DIP2B: variants seen among roughly 807,000 people sequenced by gnomAD.
DIP2B encodes the protein DIP2 acetate--CoA ligase B (putative), also known as disco-interacting protein 2 homolog B.
Under a neutral mutation model 198.0 loss-of-function variants are expected in DIP2B, and 76 were observed. The ratio of observed to expected loss-of-function variants is 0.38; its 90% CI spans 0.32 to 0.46. The LOEUF is 0.46. DIP2B is among the 20% of genes least tolerant of loss of function. The pLI is 0.99. For synonymous variants in DIP2B, 701 were observed against 739.1 expected (o/e 0.95, Z 0.84); for missense variants, 1,559 against 1,978.4 (o/e 0.79, Z 4.02).
intron 2 of DIP2B, among the ~76,000 whole-genome samples, chr12:50,631,251 G>A (rs544284368): frequency 8.8e-5 from 13 of 148,458 alleles, no homozygotes; most frequent in Admixed American, 2.0e-4. Context: ...TTTTTGAGAC[G>A]GAGTCTCCCT....
chr12:50,507,118 T>C (rs1957975024), intron 1 of DIP2B, among the ~76,000 whole-genome samples: 1 of 152,246 alleles, frequency 6.6e-6, no homozygotes, highest in South Asian at 2.1e-4. Flanking sequence ...GTGAAACTTC[T>C]ACAAATTGTG....
chr12:50,606,881 A>G (rs1958986606), intron 1 of DIP2B, among the ~76,000 whole-genome samples: 1 of 151,432 alleles, frequency 6.6e-6, no homozygotes, highest in South Asian at 2.1e-4. Context: ...ATCTTGGCTC[A>G]CTGTAGCTTT....
chr12:50,587,602 CTCAG>C (rs764999967), intron 1 of DIP2B, among the ~76,000 whole-genome samples: 19 of 152,190 alleles, frequency 1.2e-4, no homozygotes, highest in Non-Finnish European at 2.2e-4. Context: ...TCAATACTCT[CTCAG>C]TATTTCAGTC....
intron 1 of DIP2B, among the ~76,000 whole-genome samples, chr12:50,600,103 T>C (rs1157566888): frequency 6.6e-6 from 1 of 152,234 alleles, no homozygotes; most frequent in African/African-American, 2.4e-5. Flanking sequence ...ATTTTCATGA[T>C]GGTAAGTAAT....
intron 12 of DIP2B, among the ~76,000 whole-genome samples, chr12:50,687,993 C>T (rs1592128303): frequency 6.6e-6 from 1 of 151,536 alleles, no homozygotes; most frequent in African/African-American, 2.4e-5. Context: ...GTGGATGCTC[C>T]TGAGGTCAGG....
intron 1 of DIP2B, among the ~76,000 whole-genome samples, chr12:50,531,742 G>A (rs868381224): frequency 4.6e-5 from 7 of 152,260 alleles, no homozygotes; most frequent in Admixed American, 6.5e-5. Context: ...TGGAGAGAAA[G>A]GAAGTAGCTA....
intron 1 of DIP2B, among the ~76,000 whole-genome samples, chr12:50,527,412 G>A (rs1434007789): frequency 6.6e-6 from 1 of 152,136 alleles, no homozygotes; most frequent in Non-Finnish European, 1.5e-5. Context: ...TTTGCACATA[G>A]GAAAATAACA....
chr12:50,682,974 A>T (rs1174169081), intron 9 of DIP2B, among the ~76,000 whole-genome samples, 164 bp from the exon 10 acceptor site: 3 of 152,204 alleles, frequency 2.0e-5, no homozygotes, highest in African/African-American at 7.2e-5. Flanking sequence ...ATCTTTTTAG[A>T]TGTGTGTCTC....
At chr12:50,680,577 C>T in intron 8 of DIP2B, 95 bp from the exon 9 acceptor site, 4 of 1,166,598 alleles carry the variant, frequency 3.4e-6, no homozygotes, top group Non-Finnish European at 5.0e-6. Context: ...TGGCCATTGT[C>T]TCATTAACTA....
At chr12:50,689,779 A>C (rs1243756220) in intron 12 of DIP2B, among the ~76,000 whole-genome samples, 1 of 152,170 alleles carries the variant, frequency 6.6e-6, no homozygotes, top group Non-Finnish European at 1.5e-5. Context: ...TAATGGAATA[A>C]AGTGAAAAGA....
At chr12:50,696,276 T>C (rs1482476913) in intron 16 of DIP2B, among the ~76,000 whole-genome samples, 2 of 152,246 alleles carry the variant, frequency 1.3e-5, no homozygotes, top group Non-Finnish European at 2.9e-5. Flanking sequence ...ACATTTCTTA[T>C]AAATGCAGTC....
intron 1 of DIP2B, among the ~76,000 whole-genome samples, chr12:50,543,392 C>T (rs920549789): frequency 6.6e-6 from 1 of 151,884 alleles, no homozygotes; most frequent in Admixed American, 6.6e-5. Context: ...CAGGTTCAAG[C>T]AATTCTCCTG....
At chr12:50,511,683 C>T (rs929855941) in intron 1 of DIP2B, among the ~76,000 whole-genome samples, 2 of 151,698 alleles carry the variant, frequency 1.3e-5, no homozygotes, top group African/African-American at 2.4e-5. Flanking sequence ...GGCGCAGTGG[C>T]TCACACCTGT....
rs17124929 is a variant in DIP2B, at chr12:50,721,855, C to A, written c.3166+459C>A. Among the ~76,000 whole-genome samples, 444 of 152,150 alleles carry A rather than the reference C, an allele frequency of 2.9e-3. 5 individuals carry two copies. Among genetic ancestry groups the A allele is most frequent in the African/African-American group, 0.01 (422 of 41,490 alleles). ...AACTGCAGAAACCAGGAACGGTTAA[C>A]TAGGAAAATAAAAGAATGGAGAAAG... On this transcript the variant is annotated intron_variant, in intron 26 of 37. Coordinates refer to ENST00000301180, the MANE Select transcript of DIP2B (RefSeq NM_173602.3).
At chr12:50,735,733 G>A (rs1940127538) in intron 34 of DIP2B, among the ~76,000 whole-genome samples, 1 of 152,158 alleles carries the variant, frequency 6.6e-6, no homozygotes, top group African/African-American at 2.4e-5. Flanking sequence ...CAAAGTGCTG[G>A]GATTACAGGC....
At chr12:50,564,049 CTG>C (rs1247569164) in intron 1 of DIP2B, among the ~76,000 whole-genome samples, 1 of 151,984 alleles carries the variant, frequency 6.6e-6, no homozygotes, top group Non-Finnish European at 1.5e-5. Flanking sequence ...CATAGTTAAA[CTG>C]TTGTAATGTA....
intron 1 of DIP2B, among the ~76,000 whole-genome samples, chr12:50,564,163 A>G (rs1367764644): frequency 1.3e-5 from 2 of 152,028 alleles, no homozygotes; most frequent in Non-Finnish European, 2.9e-5. Flanking sequence ...CCTAAATGGT[A>G]CTGTATTCTC....
At chr12:50,521,947 A>G (rs1017371147) in intron 1 of DIP2B, among the ~76,000 whole-genome samples, 8 of 150,436 alleles carry the variant, frequency 5.3e-5, no homozygotes, top group African/African-American at 1.2e-4. Flanking sequence ...CCAGCCCCCA[A>G]ACATTTTTTA....
chr12:50,628,828 C>A (rs1223194348), intron 2 of DIP2B, among the ~76,000 whole-genome samples: 2 of 152,112 alleles, frequency 1.3e-5, no homozygotes, highest in Non-Finnish European at 2.9e-5. Flanking sequence ...TATTCAGCAC[C>A]CTGTCTCTCA....
Sources: gnomAD v4.1 joint callset for allele counts (sites outside exome capture counted in the v4.1 genomes callset) on GRCh38, gnomAD v4.1.1 for gene constraint, MANE v1.5 for transcripts, NCBI Gene and HGNC (gene_info 2026-07-23, HGNC 2026-07-21) for gene names.